The following CARMIL1 variants were observed in gnomAD, a reference collection of about 807,000 sequenced individuals.
CARMIL1 encodes F-actin-uncapping protein LRRC16A.
CARMIL1 carries 90 observed loss-of-function variants against 177.1 expected under a neutral mutation model. The ratio of observed to expected loss-of-function variants is 0.51; its 90% CI spans 0.43 to 0.61. CARMIL1 has a LOEUF of 0.61. Ranked by LOEUF, CARMIL1 falls within the 20% of genes least tolerant of loss-of-function variation. The pLI is 0.00. For missense variants in CARMIL1, 1,380 were observed against 1,667.0 expected (o/e 0.83, Z 3.00); for synonymous variants, 577 against 606.2 (o/e 0.95, Z 0.71).
intron 34 of CARMIL1, among the ~76,000 whole-genome samples, chr6:25,605,144 C>G (rs963344947): frequency 1.1e-4 from 16 of 152,070 alleles, no homozygotes; most frequent in African/African-American, 1.9e-4. Context: ...GAAATTCTGA[C>G]TGTTTTTTCA....
chr6:25,364,597 CTTGTCACCCAGACTGGAGTGCA>C (rs1280979612), intron 2 of CARMIL1, among the ~76,000 whole-genome samples: 1 of 150,066 alleles, frequency 6.7e-6, no homozygotes, highest in Non-Finnish European at 1.5e-5. Context: ...GAGTTTCTGT[CTTGTCACCCAGACTGGAGTGCA>C]GTGGCGCGAT....
intron 2 of CARMIL1, among the ~76,000 whole-genome samples, chr6:25,410,679 C>T (rs762696520): frequency 7.9e-5 from 12 of 152,158 alleles, no homozygotes; most frequent in Non-Finnish European, 1.8e-4. Flanking sequence ...CAATTTGTTC[C>T]ACGAGGGCAG....
Position 25,293,462 on chromosome 6 carries a change from C to T in CARMIL1, c.138+8553C>T, listed in dbSNP as rs143945756. 3.3e-5 allele frequency among the ~76,000 whole-genome samples: 5 copies of T among 151,954 alleles called. No individual in the cohort carries two copies. In the East Asian group the frequency reaches 5.8e-4, roughly 18 times the overall value. ...GTGCAGTGGTTCAAACACAGCTCAC[C>T]GCAGCCTCGATATCCTGGGCTCAAG... On this transcript the variant is annotated intron_variant, in intron 2 of 36. Transcript: ENST00000329474.
intron 5 of CARMIL1, among the ~76,000 whole-genome samples, chr6:25,438,193 C>T (rs9467517): frequency 0.21 from 32,391 of 152,014 alleles, 3,792 homozygotes; most frequent in African/African-American, 0.3. Context: ...TTCATGTTTC[C>T]AAAGAACTTT....
At chr6:25,279,983 C>G (rs2150114540) in intron 1 of CARMIL1, 148 bp downstream of exon 1, 2 of 948,538 alleles carry the variant, frequency 2.1e-6, no homozygotes, top group Non-Finnish European at 3.4e-6. Context: ...CTGGGGGTGC[C>G]GGGAAGTTTG....
chr6:25,572,977 G>A (rs1812241833), intron 29 of CARMIL1, among the ~76,000 whole-genome samples: 1 of 152,154 alleles, frequency 6.6e-6, no homozygotes, highest in African/African-American at 2.4e-5. Context: ...GAGCGCATTG[G>A]ATTAAAGCAC....
At position 25,515,913 on chromosome 6, in the gene CARMIL1, G is replaced by A. The variant is rs1021567793; in HGVS notation, c.1805+66G>A. The A allele has an allele frequency of 6.7e-7, 1 of 1,490,226 alleles. No homozygotes were observed. Among genetic ancestry groups the A allele is most frequent in the Non-Finnish European group, 9.0e-7 (1 of 1,108,514 alleles). 92.3% of individuals were successfully genotyped at this position (1,490,226 alleles called of 1,614,324 possible). A position where few individuals can be genotyped will look rare whatever the true frequency, so the allele number is the denominator to read the frequency against. The stretch of plus-strand genomic sequence containing the variant: ...GAGCAGATTCCGAACAGCAAGCATT[G>A]CAGAGCTGCTGGGCCCGAGGGGACC... On this transcript the variant is annotated intron_variant, in intron 21 of 36. Coordinates refer to ENST00000329474, the MANE Select transcript of CARMIL1 (RefSeq NM_017640.6). This position sits in a 1 kb window ranked among gnomAD's most constrained non-coding sequence, Gnocchi z 5.0.
At chr6:25,490,756 A>T (rs1056589688) in intron 13 of CARMIL1, among the ~76,000 whole-genome samples, 33 of 143,916 alleles carry the variant, frequency 2.3e-4, no homozygotes, top group Non-Finnish European at 3.8e-4. Flanking sequence ...TAAATAAAAA[A>T]AAATAAATGT....
At chr6:25,603,768 C>T (rs1428621275) in intron 33 of CARMIL1, among the ~76,000 whole-genome samples, 1 of 152,074 alleles carries the variant, frequency 6.6e-6, no homozygotes, top group Non-Finnish European at 1.5e-5. Flanking sequence ...AAGTAAACAC[C>T]AGACTTTGCT....
chr6:25,526,693 C>A (rs113618072), intron 23 of CARMIL1, among the ~76,000 whole-genome samples: 3,074 of 152,022 alleles, frequency 0.02, 76 homozygotes, highest in African/African-American at 0.061. Flanking sequence ...GCTAGAACTA[C>A]AGGAGTGAGC....
At chr6:25,360,016 C>T (rs1581681191) in intron 2 of CARMIL1, among the ~76,000 whole-genome samples, 1 of 152,310 alleles carries the variant, frequency 6.6e-6, no homozygotes, top group East Asian at 1.9e-4. Flanking sequence ...TGCAGTTTGG[C>T]AGGCCTGTCA....
In CARMIL1 at chr6:25,556,912, T is replaced by TG; in HGVS notation, c.2742+62_2742+63insG. 5 of 1,492,786 alleles carry TG rather than the reference T, an allele frequency of 3.3e-6. No individual in the cohort carries two copies. In the African/African-American group the frequency reaches 5.2e-5, roughly 15 times the overall value. The allele number at this position is 1,492,786 out of a possible 1,614,324, so 92.5% of individuals were successfully genotyped here. A position where few individuals can be genotyped will look rare whatever the true frequency, so the allele number is the denominator to read the frequency against. On this transcript the variant is annotated intron_variant, in intron 29 of 36. Transcript: ENST00000329474. ...CACTGGACTGTGCCATTGTTTTTTTTTTTTTTTTTAAATCTCACCTTTTGA... is the reference window on the plus strand; with the variant it reads ...CACTGGACTGTGCCATTGTTTTTTTTGTTTTTTTTTAAATCTCACCTTTTGA...
At chr6:25,612,206 G>A (rs1336104212) in intron 36 of CARMIL1, among the ~76,000 whole-genome samples, 2 of 152,212 alleles carry the variant, frequency 1.3e-5, no homozygotes, top group African/African-American at 4.8e-5. Context: ...GTCTGAGGTG[G>A]TAAGATTTTG....
At chr6:25,556,972 GACA>G in intron 29 of CARMIL1, 122 bp downstream of exon 29, 1 of 1,024,346 alleles carries the variant, frequency 9.8e-7, no homozygotes. Flanking sequence ...CCCACCCTCA[GACA>G]ATTCTTTCAG....
chr6:25,486,388 C>T (rs530117592), intron 12 of CARMIL1, among the ~76,000 whole-genome samples: 11 of 152,028 alleles, frequency 7.2e-5, no homozygotes, highest in South Asian at 4.2e-4. Context: ...GCCAAGCGCC[C>T]GCACTTGTCC....
chr6:25,283,614 G>T (rs1026737611), intron 1 of CARMIL1, among the ~76,000 whole-genome samples: 9 of 152,132 alleles, frequency 5.9e-5, no homozygotes, highest in Admixed American at 5.9e-4. Flanking sequence ...TCCTTCTATT[G>T]CCTTTGACCA....
chr6:25,298,818 G>A (rs1448194313), intron 2 of CARMIL1, among the ~76,000 whole-genome samples: 4 of 149,978 alleles, frequency 2.7e-5, no homozygotes, highest in East Asian at 2.0e-4. Flanking sequence ...GCAATGGCGC[G>A]ATCTCGGCTC....
chr6:25,281,116 GCA>G (rs1781056339), intron 1 of CARMIL1, among the ~76,000 whole-genome samples: 2 of 130,464 alleles, frequency 1.5e-5, no homozygotes, highest in East Asian at 2.4e-4. Context: ...ATTCACAGAC[GCA>G]CGCGCGTGTG....
intron 31 of CARMIL1, among the ~76,000 whole-genome samples, chr6:25,586,933 TAGAGACCGTGGAGAGAGAGGAAGAGGGAG>T (rs1813792499): frequency 3.4e-5 from 5 of 148,630 alleles, no homozygotes; most frequent in East Asian, 2.0e-4. Context: ...CGGCATCAGA[TAGAGACCGTGGAGAGAGAGGAAGAGGGAG>T]AGAGACCGTG....
Sources: gnomAD v4.1 joint callset for allele counts (sites outside exome capture counted in the v4.1 genomes callset) on GRCh38, gnomAD v4.1.1 for gene constraint, Gnocchi (gnomAD v3.1) non-coding constraint, MANE v1.5 for transcripts, NCBI Gene and HGNC (gene_info 2026-07-23, HGNC 2026-07-21) for gene names.